The following TBC1D5 variants were observed in gnomAD, a reference collection of about 807,000 sequenced individuals.
The protein encoded by TBC1D5 is TBC1 domain family, member 5.
Under a neutral mutation model 100.3 loss-of-function variants are expected in TBC1D5, and 75 were observed. The ratio of observed to expected loss-of-function variants is 0.75; its 90% CI spans 0.62 to 0.91. The LOEUF (loss-of-function observed/expected upper bound fraction) is 0.91, where lower values mean the gene tolerates loss of function less well. TBC1D5 is among the 40% of genes least tolerant of loss of function. The pLI, the probability that TBC1D5 is intolerant of heterozygous loss-of-function variation, is 0.00. For synonymous variants in TBC1D5, 323 were observed against 325.6 expected, an observed-to-expected ratio of 0.99 and a Z score of 0.09; for missense variants, 910 against 942.4, an observed-to-expected ratio of 0.97 and a Z score of 0.45.
At chr3:17,238,537 G>T in intron 16 of TBC1D5, 118 bp from the exon 17 acceptor site, 1 of 1,176,822 alleles carries the variant, frequency 8.5e-7, no homozygotes, top group South Asian at 1.9e-5. Context: ...TACTAGACCA[G>T]CTATATAAAG....
chr3:17,571,430 A>G (rs746034816), intron 2 of TBC1D5, among the ~76,000 whole-genome samples: 10 of 151,932 alleles, frequency 6.6e-5, no homozygotes, highest in Non-Finnish European at 8.8e-5. Flanking sequence ...TATCATCACA[A>G]TTCTCTCTAC....
chr3:17,412,623 C>A (rs779572630), intron 4 of TBC1D5, among the ~76,000 whole-genome samples: 38 of 152,160 alleles, frequency 2.5e-4, no homozygotes, highest in Non-Finnish European at 4.4e-4. Flanking sequence ...AATATACTTA[C>A]AATGTGCCTG....
chr3:17,522,652 AGAG>A (rs2096075836), intron 2 of TBC1D5, among the ~76,000 whole-genome samples: 1 of 152,180 alleles, frequency 6.6e-6, no homozygotes, highest in Non-Finnish European at 1.5e-5. Context: ...CTGGGACTAC[AGAG>A]GAGCTACACA....
intron 15 of TBC1D5, among the ~76,000 whole-genome samples, chr3:17,275,784 G>A (rs148769580): frequency 1.3e-5 from 2 of 152,262 alleles, no homozygotes; most frequent in Non-Finnish European, 2.9e-5. Context: ...GAGTTAGTAG[G>A]TAATGGACTG....
intron 3 of TBC1D5, among the ~76,000 whole-genome samples, chr3:17,462,256 A>G (rs1456498233): frequency 6.6e-6 from 1 of 151,360 alleles, no homozygotes. Flanking sequence ...AAGAGGACGT[A>G]GTGCCACATT....
At chr3:17,592,896 C>T (rs536257768) in intron 2 of TBC1D5, among the ~76,000 whole-genome samples, 1 of 152,288 alleles carries the variant, frequency 6.6e-6, no homozygotes, top group African/African-American at 2.4e-5. Flanking sequence ...TTTGTGGAAA[C>T]TGAATGTTTG....
chr3:17,373,137 TA>T (rs1321036325), intron 12 of TBC1D5, among the ~76,000 whole-genome samples: 1 of 152,176 alleles, frequency 6.6e-6, no homozygotes, highest in Non-Finnish European at 1.5e-5. Context: ...TCTAACCATT[TA>T]AAAATGTTAA....
At chr3:17,214,092 A>T in intron 18 of TBC1D5, 115 bp downstream of exon 19, 1 of 970,280 alleles carries the variant, frequency 1.0e-6, no homozygotes, top group Non-Finnish European at 1.4e-6. Flanking sequence ...AATTCCTTTT[A>T]GTCCATAAAA....
chr3:17,440,941 C>A (rs1441032892), intron 3 of TBC1D5, among the ~76,000 whole-genome samples: 1 of 152,074 alleles, frequency 6.6e-6, no homozygotes, highest in Non-Finnish European at 1.5e-5. Context: ...CGTGTCCCAC[C>A]AAAAAGATTC....
intron 1 of TBC1D5, among the ~76,000 whole-genome samples, chr3:17,657,306 C>T (rs562528839): frequency 1.3e-5 from 2 of 151,582 alleles, no homozygotes; most frequent in South Asian, 4.2e-4. Context: ...ATCCACTCTC[C>T]ACCCTCAATG....
intron 4 of TBC1D5, chr3:17,406,736 C>T (rs902362390): frequency 3.8e-5 from 19 of 502,118 alleles, no homozygotes; most frequent in African/African-American, 8.0e-5. Flanking sequence ...GCTATAATTA[C>T]GCCAGCTACT....
intron 1 of TBC1D5, among the ~76,000 whole-genome samples, chr3:17,666,768 G>A (rs140085295): frequency 1.9e-3 from 291 of 151,760 alleles, no homozygotes; most frequent in Non-Finnish European, 3.0e-3. Flanking sequence ...AAGAACCAAC[G>A]GTTCTCTCAA....
chr3:17,579,945 T>C (rs921945221), intron 2 of TBC1D5, among the ~76,000 whole-genome samples: 11 of 152,146 alleles, frequency 7.2e-5, no homozygotes, highest in African/African-American at 1.9e-4. Context: ...TTGTATCCCA[T>C]ATTTATCAAG....
chr3:17,626,607 G>A (rs751824980), intron 1 of TBC1D5, among the ~76,000 whole-genome samples: 1 of 152,138 alleles, frequency 6.6e-6, no homozygotes, highest in South Asian at 2.1e-4. Context: ...AGAAGATGGT[G>A]AAATCACAGT....
intron 13 of TBC1D5, among the ~76,000 whole-genome samples, chr3:17,322,854 T>C (rs965564938): frequency 1.3e-5 from 2 of 152,218 alleles, no homozygotes; most frequent in African/African-American, 4.8e-5. Flanking sequence ...GAAATATTCA[T>C]GTTCTGAACA....
chr3:17,303,833 C>CTTTTT (rs140988557), intron 14 of TBC1D5, among the ~76,000 whole-genome samples: 10 of 84,486 alleles, frequency 1.2e-4, no homozygotes, highest in African/African-American at 2.5e-4. Flanking sequence ...CAATCTACCT[C>CTTTTT]TTTTTTTTTT....
intron 13 of TBC1D5, among the ~76,000 whole-genome samples, chr3:17,361,633 C>T (rs971927882): frequency 2.0e-5 from 3 of 151,822 alleles, no homozygotes; most frequent in African/African-American, 7.3e-5. Flanking sequence ...TTAAGCAATA[C>T]AAATAACCCA....
intron 4 of TBC1D5, among the ~76,000 whole-genome samples, chr3:17,409,868 A>G (rs545790772): frequency 1.3e-5 from 2 of 152,294 alleles, no homozygotes; most frequent in African/African-American, 4.8e-5. Context: ...AGCCATCTCC[A>G]TAACATAAAA....
chr3:17,656,152 C>T (rs569017985), intron 1 of TBC1D5, among the ~76,000 whole-genome samples: 1 of 152,316 alleles, frequency 6.6e-6, no homozygotes, highest in African/African-American at 2.4e-5. Flanking sequence ...CGATCACAAT[C>T]ACTCTCTCAA....
Sources: gnomAD v4.1 joint callset for allele counts (sites outside exome capture counted in the v4.1 genomes callset) on GRCh38, gnomAD v4.1.1 for gene constraint, MANE v1.5 for transcripts, NCBI Gene and HGNC (gene_info 2026-07-23, HGNC 2026-07-21) for gene names.